LANCL3: variants seen among roughly 807,000 people sequenced by gnomAD.
LANCL3 encodes the protein lanC-like protein 3.
A neutral mutation model predicts 26.5 loss-of-function variants in LANCL3; 19 were observed. The observed-to-expected ratio is 0.72, with a 90% confidence interval of 0.50 to 1.05. The LOEUF (loss-of-function observed/expected upper bound fraction) is 1.05, where lower values mean the gene tolerates loss of function less well. Ranked by LOEUF, LANCL3 falls within the 50% of genes least tolerant of loss-of-function variation. The pLI, the probability that LANCL3 is intolerant of heterozygous loss-of-function variation, is 0.00. For synonymous variants in LANCL3, 160 were observed against 166.6 expected (o/e 0.96, Z 0.30); for missense variants, 318 against 362.7 (o/e 0.88, Z 1.00).
At chrX:37,644,153 G>A (rs1169911798) in intron 1 of LANCL3, among the ~76,000 whole-genome samples, 3 of 111,001 alleles carry the variant, frequency 2.7e-5, no homozygotes, top group Non-Finnish European at 5.7e-5. Flanking sequence ...TTGGAACCTA[G>A]AGGCACCTTA....
At chrX:37,672,019 C>T (rs1926695308) in intron 4 of LANCL3, among the ~76,000 whole-genome samples, 1 of 111,639 alleles carries the variant, frequency 9.0e-6, no homozygotes, top group South Asian at 3.7e-4. Flanking sequence ...TAAATTTCAT[C>T]AGAAATGAAT....
At chrX:37,608,172 G>A (rs1214319029) in intron 1 of LANCL3, among the ~76,000 whole-genome samples, 1 of 112,079 alleles carries the variant, frequency 8.9e-6, no homozygotes, top group Non-Finnish European at 1.9e-5. Flanking sequence ...AGTCCAGAGA[G>A]AGGGGCATAC....
At chrX:37,639,424 T>C (rs1480312954) in intron 1 of LANCL3, among the ~76,000 whole-genome samples, 2 of 108,562 alleles carry the variant, frequency 1.8e-5, no homozygotes, top group Non-Finnish European at 3.8e-5. Flanking sequence ...CTAGTGAACA[T>C]GTTCTCTTTA....
rs938299898 is a variant in LANCL3 at position 37,684,412 on chromosome X, A to G, written c.*8599A>G. 8.9e-6 allele frequency: 1 copy of G among 112,931 alleles called. No homozygotes were observed. The highest frequency in any genetic ancestry group is 3.2e-5 in the African/African-American group (1 of 31,059). The allele number at this position is 112,931 out of a possible 1,213,427, so 9.3% of individuals were successfully genotyped here. A position where few individuals can be genotyped will look rare whatever the true frequency, so the allele number is the denominator to read the frequency against. On this transcript the variant is annotated 3_prime_UTR_variant, in exon 5 of 5. Transcript: ENST00000378619. Reference sequence around the variant, plus strand: ...AATACATTTATGTACAGTACACTTAATGTAAAACCTGTGATAATCCTTTGC... The same window carrying G: ...AATACATTTATGTACAGTACACTTAGTGTAAAACCTGTGATAATCCTTTGC...
chrX:37,669,944 ATTCT>A (rs1266081913), intron 4 of LANCL3, among the ~76,000 whole-genome samples: 1 of 112,291 alleles, frequency 8.9e-6, no homozygotes, highest in Non-Finnish European at 1.9e-5. Flanking sequence ...TTTAAGGGAC[ATTCT>A]TTATTTCATT....
intron 1 of LANCL3, among the ~76,000 whole-genome samples, chrX:37,627,686 G>A (rs1556423291): frequency 8.9e-6 from 1 of 111,797 alleles, no homozygotes; most frequent in Non-Finnish European, 1.9e-5. Flanking sequence ...CTCAGTGAGA[G>A]AGTGCTAGCA....
rs1427156137 is a variant in LANCL3, at chrX:37,682,253, C to G, written c.*6440C>G. ...AAGTAGCTGGGACTACAGGCGCCCG[C>G]CACTACGCCCGGCTAATTTTTTGTA... On this transcript the variant is annotated 3_prime_UTR_variant, in exon 5 of 5. Transcript: ENST00000378619. The G allele has an allele frequency of 9.3e-6, 1 of 108,052 alleles. No homozygotes were observed. The highest frequency in any genetic ancestry group is 1.9e-5 in the Non-Finnish European group (1 of 51,982). The allele number at this position is 108,052 out of a possible 1,213,427, so 8.9% of individuals were successfully genotyped here. A position where few individuals can be genotyped will look rare whatever the true frequency, so the allele number is the denominator to read the frequency against.
At chrX:37,636,565 T>A (rs1385674571) in intron 1 of LANCL3, among the ~76,000 whole-genome samples, 1 of 112,789 alleles carries the variant, frequency 8.9e-6, no homozygotes, top group Non-Finnish European at 1.9e-5. Flanking sequence ...ATTTCTTCGC[T>A]TATTATATGG....
chrX:37,638,402 A>G (rs1556425547), intron 1 of LANCL3, among the ~76,000 whole-genome samples: 1 of 111,375 alleles, frequency 9.0e-6, no homozygotes, highest in African/African-American at 3.3e-5. Context: ...CCTGGAGGTA[A>G]TGTACTCTTT....
Position 37,679,106 on chromosome X carries a change from C to T in LANCL3, c.*3293C>T, listed in dbSNP as rs1457315743. 9.0e-6 allele frequency: 1 copy of T among 111,537 alleles called. No individual in the cohort carries two copies. The highest frequency in any genetic ancestry group is 1.9e-5 in the Non-Finnish European group (1 of 53,055). The allele number at this position is 111,537 out of a possible 1,213,427, so 9.2% of individuals were successfully genotyped here. On this transcript the variant is annotated 3_prime_UTR_variant, in exon 5 of 5. Transcript: ENST00000378619. ...CCACTGTAGTAATAATAATAATCAC[C>T]CTGTCTACTTCACAGGGTTGTTATA...
chrX:37,592,406 C>T (rs1363792692), intron 1 of LANCL3, among the ~76,000 whole-genome samples: 1 of 112,197 alleles, frequency 8.9e-6, no homozygotes, highest in African/African-American at 3.2e-5. Context: ...ATTTGAGGAA[C>T]ATGTCTGATT....
At chrX:37,635,924 A>G (rs1456461183) in intron 1 of LANCL3, among the ~76,000 whole-genome samples, 1 of 110,554 alleles carries the variant, frequency 9.0e-6, no homozygotes, top group African/African-American at 3.3e-5. Context: ...AAGCAATAGT[A>G]TTCAATAGGT....
chrX:37,678,622 A>G lies in LANCL3; in HGVS notation c.*2809A>G, dbSNP rs1213915204. 9.0e-6 allele frequency: 1 copy of G among 111,264 alleles called. No homozygotes were observed. The highest frequency in any genetic ancestry group is 1.9e-5 in the Non-Finnish European group (1 of 52,944). 9.2% of individuals were successfully genotyped at this position (111,264 alleles called of 1,213,427 possible). A position where few individuals can be genotyped will look rare whatever the true frequency, so the allele number is the denominator to read the frequency against. On this transcript the variant is annotated 3_prime_UTR_variant, in exon 5 of 5. Coordinates refer to ENST00000378619, the MANE Select transcript of LANCL3 (RefSeq NM_001170331.2). ...TGTAATTACATACCATCTCTTCCAC[A>G]CACACCCCAGAATATTATACATTTT...
intron 1 of LANCL3, among the ~76,000 whole-genome samples, chrX:37,624,881 C>T (rs1925272100): frequency 8.9e-6 from 1 of 111,918 alleles, no homozygotes; most frequent in South Asian, 3.7e-4. Flanking sequence ...CTGGCCTTCA[C>T]TGCTTCCTCC....
intron 1 of LANCL3, among the ~76,000 whole-genome samples, chrX:37,598,577 A>G (rs1456841646): frequency 8.9e-6 from 1 of 112,493 alleles, no homozygotes; most frequent in Non-Finnish European, 1.9e-5. Flanking sequence ...AGGATTTTAT[A>G]CTTATTGAAG....
intron 1 of LANCL3, among the ~76,000 whole-genome samples, chrX:37,603,867 C>T (rs1349353285): frequency 8.9e-6 from 1 of 112,478 alleles, no homozygotes; most frequent in Non-Finnish European, 1.9e-5. Flanking sequence ...TTACAAGTTG[C>T]TGCTTAAGAA....
At chrX:37,642,372 C>G (rs1259292394) in intron 1 of LANCL3, among the ~76,000 whole-genome samples, 10 of 111,619 alleles carry the variant, frequency 9.0e-5, no homozygotes, top group African/African-American at 3.3e-4. Context: ...TAGATTTTCT[C>G]TTATAACAAG....
At chrX:37,574,065 A>AAG (rs1923679860) in intron 1 of LANCL3, among the ~76,000 whole-genome samples, 3 of 106,806 alleles carry the variant, frequency 2.8e-5, no homozygotes, top group African/African-American at 1.0e-4. Context: ...AAAAAAAAAA[A>AAG]AAAAAAAAAA....
intron 1 of LANCL3, among the ~76,000 whole-genome samples, chrX:37,611,076 G>C (rs1189993437): frequency 9.0e-6 from 1 of 111,726 alleles, no homozygotes; most frequent in Non-Finnish European, 1.9e-5. Flanking sequence ...AACACATCCA[G>C]AGTTGTCCCC....
Sources: gnomAD v4.1 joint callset for allele counts (sites outside exome capture counted in the v4.1 genomes callset) on GRCh38, gnomAD v4.1.1 for gene constraint, MANE v1.5 for transcripts, NCBI Gene and HGNC (gene_info 2026-07-23, HGNC 2026-07-21) for gene names.